INPP4B: variants seen among roughly 807,000 people sequenced by gnomAD.
INPP4B encodes the protein inositol polyphosphate 4-phosphatase type II.
INPP4B carries 55 observed loss-of-function variants against 122.5 expected under a neutral mutation model. The ratio of observed to expected loss-of-function variants is 0.45; its 90% CI spans 0.36 to 0.56. The LOEUF is 0.56. INPP4B is among the 20% of genes least tolerant of loss of function. INPP4B has a pLI of 0.00. For missense variants in INPP4B, 1,000 were observed against 1,097.7 expected, an observed-to-expected ratio of 0.91 and a Z score of 1.26; for synonymous variants, 403 against 388.7, an observed-to-expected ratio of 1.04 and a Z score of -0.43.
rs1322306964 is a variant in INPP4B at position 142,692,930 on chromosome 4, G to GATAGATAGATAGATAGATAGATAGATAC, written c.-191+32908_-191+32909insGTATCTATCTATCTATCTATCTATCTAT. 8.2e-3 allele frequency among the ~76,000 whole-genome samples: 1,233 copies of GATAGATAGATAGATAGATAGATAGATAC among 150,342 alleles called. 11 individuals carry two copies. The highest frequency in any genetic ancestry group is 0.017 in the Middle Eastern group (5 of 292). ...GCTAGTCTCTATAGATAGATAGATA[G>GATAGATAGATAGATAGATAGATAGATAC]ATAGATACATAGATACATAGATAGA... On this transcript the variant is annotated intron_variant, in intron 2 of 25. Transcript: ENST00000262992.
At chr4:142,770,268 C>G (rs1321387580) in intron 1 of INPP4B, among the ~76,000 whole-genome samples, 1 of 152,040 alleles carries the variant, frequency 6.6e-6, no homozygotes, top group Non-Finnish European at 1.5e-5. Flanking sequence ...AAGCCATCAA[C>G]CTTGGTCCAA....
At chr4:142,351,420 C>A (rs986040698) in intron 7 of INPP4B, among the ~76,000 whole-genome samples, 1 of 151,954 alleles carries the variant, frequency 6.6e-6, no homozygotes, top group Non-Finnish European at 1.5e-5. Context: ...CATTTAATAT[C>A]TATGTTCAAA....
intron 21 of INPP4B, among the ~76,000 whole-genome samples, chr4:142,119,796 TACACACACAC>T (rs34897089): frequency 2.0e-5 from 3 of 148,528 alleles, no homozygotes; most frequent in African/African-American, 5.0e-5. Flanking sequence ...AAAGTATATA[TACACACACAC>T]ACACACACAC....
chr4:142,296,312 G>T (rs1368197096), intron 9 of INPP4B, among the ~76,000 whole-genome samples: 3 of 152,102 alleles, frequency 2.0e-5, no homozygotes, highest in Non-Finnish European at 4.4e-5. Flanking sequence ...ATATATAACT[G>T]CAGAGCCATT....
intron 3 of INPP4B, among the ~76,000 whole-genome samples, chr4:142,451,649 A>C (rs1814252371): frequency 6.6e-6 from 1 of 152,200 alleles, no homozygotes; most frequent in Non-Finnish European, 1.5e-5. Flanking sequence ...GCTTCTTTAA[A>C]TTATAGGATG....
intron 1 of INPP4B, among the ~76,000 whole-genome samples, chr4:142,772,734 T>C (rs1397273956): frequency 2.0e-5 from 3 of 152,122 alleles, no homozygotes; most frequent in Admixed American, 1.3e-4. Context: ...ATTCACCCTA[T>C]GAAAGTTGAT....
chr4:142,580,205 T>C (rs1025035781), intron 2 of INPP4B, among the ~76,000 whole-genome samples: 1 of 151,718 alleles, frequency 6.6e-6, no homozygotes, highest in African/African-American at 2.4e-5. Context: ...GAGAAAATAC[T>C]TGGGTTCAAA....
chr4:142,300,825 A>G lies in INPP4B; in HGVS notation c.503+4633T>C, dbSNP rs143769158. On this transcript the variant is annotated intron_variant, in intron 9 of 25. Coordinates refer to ENST00000262992, the MANE Select transcript of INPP4B (RefSeq NM_001101669.3). ...ATTTGTTCCATAAAAACACTACTGT[A>G]AATGTGGTAGAAGTAATAAATGAAA... Among the ~76,000 whole-genome samples the G allele has an allele frequency of 5.7e-3, 866 of 152,288 alleles. 10 individuals are homozygous for G. Among genetic ancestry groups the G allele is most frequent in the African/African-American group, 0.02 (826 of 41,576 alleles).
chr4:142,436,950 T>G (rs1007629034), intron 3 of INPP4B, among the ~76,000 whole-genome samples: 1 of 151,560 alleles, frequency 6.6e-6, no homozygotes, highest in African/African-American at 2.4e-5. Flanking sequence ...AGAAGGTGGG[T>G]AACAACAAAT....
chr4:142,752,154 G>A (rs1161891857), intron 1 of INPP4B, among the ~76,000 whole-genome samples: 1 of 152,004 alleles, frequency 6.6e-6, no homozygotes, highest in East Asian at 1.9e-4. Context: ...TTTTAGAGCT[G>A]TAGAATGGAA....
chr4:142,686,251 A>G (rs6537123), intron 2 of INPP4B, among the ~76,000 whole-genome samples: 99,540 of 151,972 alleles, frequency 0.65, 33,762 homozygotes, highest in East Asian at 0.81. Context: ...GCTTAAGCAG[A>G]GAATGACAAA....
intron 1 of INPP4B, among the ~76,000 whole-genome samples, chr4:142,772,587 G>A (rs1042659487): frequency 5.3e-5 from 8 of 152,058 alleles, no homozygotes; most frequent in Admixed American, 3.3e-4. Flanking sequence ...ACACCATCAC[G>A]GCACAAGAAG....
chr4:142,446,259 A>G (rs1373904482), intron 3 of INPP4B, among the ~76,000 whole-genome samples: 1 of 151,894 alleles, frequency 6.6e-6, no homozygotes, highest in Non-Finnish European at 1.5e-5. Flanking sequence ...AAAAACAAGT[A>G]ATTCAAATAT....
intron 1 of INPP4B, among the ~76,000 whole-genome samples, chr4:142,790,025 C>CT (rs1318474638): frequency 6.6e-6 from 1 of 151,936 alleles, no homozygotes; most frequent in South Asian, 2.1e-4. Context: ...ATTGGCTAGC[C>CT]ACATGTAGGA....
intron 9 of INPP4B, among the ~76,000 whole-genome samples, chr4:142,300,301 C>A (rs1760857679): frequency 6.6e-6 from 1 of 152,134 alleles, no homozygotes; most frequent in African/African-American, 2.4e-5. Context: ...GACGATGGAG[C>A]CTCTCCTTAT....
At chr4:142,533,908 T>A (rs773437711) in intron 2 of INPP4B, among the ~76,000 whole-genome samples, 26 of 152,198 alleles carry the variant, frequency 1.7e-4, no homozygotes, top group Non-Finnish European at 3.5e-4. Context: ...GGTCATAAAC[T>A]TGCTTTGGCC....
chr4:142,534,495 C>T (rs1050088451), intron 2 of INPP4B, among the ~76,000 whole-genome samples: 2 of 152,022 alleles, frequency 1.3e-5, no homozygotes, highest in Non-Finnish European at 2.9e-5. Context: ...AGCAGAGAGC[C>T]TGATGACTTG....
intron 2 of INPP4B, among the ~76,000 whole-genome samples, chr4:142,600,616 C>T (rs992348570): frequency 5.9e-5 from 9 of 151,732 alleles, no homozygotes; most frequent in Admixed American, 2.0e-4. Flanking sequence ...ATCACAAGGA[C>T]GATCAAGAGA....
chr4:142,199,373 C>G (rs1214911384), intron 14 of INPP4B, among the ~76,000 whole-genome samples: 2 of 152,010 alleles, frequency 1.3e-5, no homozygotes, highest in African/African-American at 4.8e-5. Context: ...CACATGTACA[C>G]ACACATCTCA....
Sources: gnomAD v4.1 joint callset for allele counts (sites outside exome capture counted in the v4.1 genomes callset) on GRCh38, gnomAD v4.1.1 for gene constraint, MANE v1.5 for transcripts, NCBI Gene and HGNC (gene_info 2026-07-23, HGNC 2026-07-21) for gene names.